DNAJB1: variants seen among roughly 807,000 people sequenced by gnomAD.
The protein encoded by DNAJB1 is dnaJ homolog subfamily B member 1.
In DNAJB1, 14 loss-of-function variants were observed where a neutral mutation model predicts 24.0. The ratio of observed to expected loss-of-function variants is 0.58; its 90% CI spans 0.39 to 0.91. The LOEUF is 0.91. Among genes scored for constraint, DNAJB1 ranks in the 40% least tolerant of loss-of-function variants. DNAJB1 has a pLI of 0.00. For synonymous variants in DNAJB1, 262 were observed against 174.4 expected (o/e 1.50, Z -3.96); for missense variants, 517 against 458.1 (o/e 1.13, Z -1.17).
chr19:14,518,773 G>C (rs899222475), upstream of DNAJB1, among the ~76,000 whole-genome samples: 2 of 152,250 alleles, frequency 1.3e-5, no homozygotes, highest in South Asian at 4.1e-4. Context: ...GTTCCAGGAA[G>C]GGGTGGGGCC....
chr19:14,532,681 G>A (rs1175761661), upstream of DNAJB1, among the ~76,000 whole-genome samples: 1 of 152,136 alleles, frequency 6.6e-6, no homozygotes, highest in Non-Finnish European at 1.5e-5. Context: ...AGAAGCAGTT[G>A]TTTCCCGGCC....
chr19:14,516,516 T>TA lies in DNAJB1; in HGVS notation c.741dup (p.Lys248Ter). ...TAAATGACATCAGAGCCATCTCTCT[T>TA]AAAGATATTGTGGGGCTTGTCCTTT... On this transcript the variant is annotated frameshift_variant, in exon 2 of 3. Transcript: ENST00000254322. LOFTEE classifies it high-confidence loss of function. The TA allele has an allele frequency of 6.2e-7, 1 of 1,614,204 alleles. No individual in the cohort carries two copies.
chr19:14,536,948 C>T (rs1252648537), intron 1 of DNAJB1, among the ~76,000 whole-genome samples: 2 of 126,062 alleles, frequency 1.6e-5, no homozygotes, highest in Non-Finnish European at 3.2e-5. Context: ...GGACACGGGG[C>T]AGATGTGGGG....
upstream of DNAJB1, among the ~76,000 whole-genome samples, chr19:14,522,611 A>C (rs1371590586): frequency 1.3e-5 from 2 of 151,482 alleles, no homozygotes; most frequent in East Asian, 3.9e-4. Flanking sequence ...GGTGTTGTCT[A>C]GCCAGCCCCC....
intron 1 of DNAJB1, chr19:14,536,638 T>A (rs947605897): frequency 6.6e-6 from 1 of 152,236 alleles, no homozygotes; most frequent in East Asian, 1.9e-4. Flanking sequence ...TGGCTGATGG[T>A]GTGCATCTTC....
chr19:14,557,130 T>TTTATTTAC (rs1555736141), intron 1 of DNAJB1, among the ~76,000 whole-genome samples: 1 of 150,024 alleles, frequency 6.7e-6, no homozygotes, highest in African/African-American at 2.4e-5. Context: ...TATTTATTTA[T>TTTATTTAC]TTATTTATTT....
chr19:14,548,724 C>T (rs1000997449), intron 1 of DNAJB1, among the ~76,000 whole-genome samples: 4 of 151,994 alleles, frequency 2.6e-5, no homozygotes, highest in Non-Finnish European at 5.9e-5. Context: ...ATTACAGGCA[C>T]GCATCACCAC....
chr19:14,559,897 A>G (rs1029552935), intron 1 of DNAJB1, among the ~76,000 whole-genome samples: 6 of 152,102 alleles, frequency 3.9e-5, no homozygotes, highest in Non-Finnish European at 2.9e-5. Flanking sequence ...ATGGCCGACG[A>G]GCTGGGGATT....
chr19:14,529,247 A>C lies in DNAJB1; in HGVS notation c.-212T>G, dbSNP rs1283396174. The C allele has an allele frequency of 2.0e-5, 6 of 297,294 alleles. No homozygotes were observed. In the East Asian group the frequency reaches 4.9e-4, roughly 24 times the overall value. The allele number at this position is 297,294 out of a possible 1,614,324, so 18.4% of individuals were successfully genotyped here. A position where few individuals can be genotyped will look rare whatever the true frequency, so the allele number is the denominator to read the frequency against. ...CCCTTCGGCGCCGCCTGTCATGTGG[A>C]TGCTGCCTTGCCTGTCACTCAACTT... On this transcript the variant is annotated 5_prime_UTR_variant, in exon 1 of 4. Transcript: ENST00000396969.
chr19:14,533,976 C>T (rs2072767682), upstream of DNAJB1: 2 of 152,102 alleles, frequency 1.3e-5, no homozygotes, highest in Admixed American at 6.6e-5. Context: ...GGAAAAACAG[C>T]TACTACATCT....
intron 1 of DNAJB1, 24 bp from the exon 2 acceptor site, chr19:14,517,070 T>C (rs1388083396): frequency 1.5e-5 from 23 of 1,583,008 alleles, no homozygotes; most frequent in Non-Finnish European, 1.9e-5. Context: ...TTAGAAGCAG[T>C]CAGATGGCTG....
At chr19:14,555,057 G>A (rs950200418), upstream of DNAJB1, among the ~76,000 whole-genome samples, 17 of 151,350 alleles carry the variant, frequency 1.1e-4, 1 homozygote, top group East Asian at 1.7e-3. Flanking sequence ...GATTACAGGC[G>A]TGAGCCACTG....
chr19:14,515,863 T>G lies in DNAJB1; in HGVS notation c.*77A>C. 1 of 1,437,248 alleles carries G rather than the reference T, an allele frequency of 7.0e-7. No individual in the cohort carries two copies. The allele number at this position is 1,437,248 out of a possible 1,614,324, so 89.0% of individuals were successfully genotyped here. ...CCTGGGCCCTCCCACCCTCTCATGGTCCACAACTGGTAGAAAGGTCCAGAA... is the reference window on the plus strand; with the variant it reads ...CCTGGGCCCTCCCACCCTCTCATGGGCCACAACTGGTAGAAAGGTCCAGAA... On this transcript the variant is annotated 3_prime_UTR_variant, in exon 3 of 3. Coordinates refer to ENST00000254322, the MANE Select transcript of DNAJB1 (RefSeq NM_006145.3).
intron 1 of DNAJB1, among the ~76,000 whole-genome samples, chr19:14,538,556 T>TA (rs2072986781): frequency 1.4e-5 from 2 of 147,420 alleles, no homozygotes; most frequent in African/African-American, 5.0e-5. Flanking sequence ...TTTTTTGAGA[T>TA]AGAGTCTTCC....
At chr19:14,558,914 T>C (rs1486691493) in intron 1 of DNAJB1, among the ~76,000 whole-genome samples, 1 of 152,218 alleles carries the variant, frequency 6.6e-6, no homozygotes, top group African/African-American at 2.4e-5. Context: ...AGCAGCTGCC[T>C]GTACCCTCTG....
chr19:14,538,946 T>C (rs950841899), intron 1 of DNAJB1, among the ~76,000 whole-genome samples: 14 of 151,172 alleles, frequency 9.3e-5, no homozygotes, highest in Non-Finnish European at 2.1e-4. Context: ...GCCTCAGTTT[T>C]GATATAATGT....
upstream of DNAJB1, among the ~76,000 whole-genome samples, chr19:14,522,447 T>C (rs1315562263): frequency 3.6e-5 from 5 of 137,902 alleles, no homozygotes; most frequent in African/African-American, 5.6e-5. Flanking sequence ...ATCAGGCCGC[T>C]GCACTCCAGC....
At chr19:14,542,011 G>T (rs1018498258) in intron 1 of DNAJB1, among the ~76,000 whole-genome samples, 1 of 152,136 alleles carries the variant, frequency 6.6e-6, no homozygotes, top group Non-Finnish European at 1.5e-5. Context: ...TCGAACTCCT[G>T]ACCTCAAGTG....
At chr19:14,521,631 T>C (rs548596556), upstream of DNAJB1, among the ~76,000 whole-genome samples, 2 of 152,182 alleles carry the variant, frequency 1.3e-5, no homozygotes, top group East Asian at 3.9e-4. Flanking sequence ...GTTTTGTTTG[T>C]TTGTTTTGAG....
Sources: gnomAD v4.1 joint callset for allele counts (sites outside exome capture counted in the v4.1 genomes callset) on GRCh38, gnomAD v4.1.1 for gene constraint, MANE v1.5 for transcripts, NCBI Gene and HGNC (gene_info 2026-07-23, HGNC 2026-07-21) for gene names.